The following ANKDD1A variants were observed in gnomAD, a reference collection of about 807,000 sequenced individuals.
The protein encoded by ANKDD1A is ankyrin repeat and death domain containing 1A, also known as ankyrin repeat and death domain-containing protein 1A.
ANKDD1A carries 59 observed loss-of-function variants against 63.5 expected under a neutral mutation model. That is an observed-to-expected ratio of 0.93 (90% CI 0.75 to 1.15). The LOEUF is 1.15. Ranked by LOEUF, ANKDD1A falls within the 50% of genes most tolerant of loss-of-function variation. The pLI is 0.00. For synonymous variants in ANKDD1A, 266 were observed against 263.9 expected (o/e 1.01, Z -0.08); for missense variants, 632 against 656.4 (o/e 0.96, Z 0.41).
At chr15:64,952,137 C>A (rs1220152508) in intron 14 of ANKDD1A, among the ~76,000 whole-genome samples, 9 of 135,302 alleles carry the variant, frequency 6.7e-5, no homozygotes, top group Non-Finnish European at 1.1e-4. Context: ...TCTTCTTCTT[C>A]CTTATTCTTC....
chr15:64,932,346 G>C (rs1333402205), intron 8 of ANKDD1A: 1 of 152,208 alleles, frequency 6.6e-6, no homozygotes, highest in Non-Finnish European at 1.5e-5. Context: ...ACGAGGCAAA[G>C]CTGAGTCTCA....
chr15:64,957,027 A>C, intron 14 of ANKDD1A, 76 bp from the exon 15 acceptor site: 1 of 441,982 alleles, frequency 2.3e-6, no homozygotes, highest in Non-Finnish European at 4.5e-6. Context: ...TCTTACTCTA[A>C]ATCTTTCTGA....
chr15:64,919,104 A>G (rs2084990473), intron 3 of ANKDD1A, among the ~76,000 whole-genome samples: 1 of 152,196 alleles, frequency 6.6e-6, no homozygotes. Flanking sequence ...GAAAGTCTGT[A>G]GTGATATGCC....
At chr15:64,951,013 TA>T (rs1400291894) in intron 14 of ANKDD1A, 2 of 1,272,058 alleles carry the variant, frequency 1.6e-6, no homozygotes, top group Non-Finnish European at 2.0e-6. Context: ...CACAGCCATG[TA>T]ACCGGAGGGG....
chr15:64,951,666 T>G (rs2085281636), intron 14 of ANKDD1A, among the ~76,000 whole-genome samples: 1 of 96,886 alleles, frequency 1.0e-5, no homozygotes, highest in African/African-American at 3.0e-5. Context: ...TATCTTCTTT[T>G]TCTTTCTTTC....
At chr15:64,927,762 A>T (rs1398046246) in intron 6 of ANKDD1A, among the ~76,000 whole-genome samples, 1 of 151,586 alleles carries the variant, frequency 6.6e-6, no homozygotes, top group Non-Finnish European at 1.5e-5. Context: ...CCGCCACCAC[A>T]CCCAGCTAAT....
intron 1 of ANKDD1A, among the ~76,000 whole-genome samples, chr15:64,912,203 T>G (rs1595844165): frequency 6.6e-6 from 1 of 151,872 alleles, no homozygotes; most frequent in East Asian, 1.9e-4. Context: ...GGCTGAGAGG[T>G]TAGCTACAAA....
intron 9 of ANKDD1A, among the ~76,000 whole-genome samples, chr15:64,935,598 C>T (rs986635274): frequency 2.0e-5 from 3 of 152,084 alleles, no homozygotes; most frequent in African/African-American, 4.8e-5. Context: ...TGGCATGAAC[C>T]CGGGAGGCAG....
At chr15:64,934,363 C>T (rs753960617) in intron 9 of ANKDD1A, 129 bp downstream of exon 9, 196 of 715,220 alleles carry the variant, frequency 2.7e-4, no homozygotes, top group Middle Eastern at 4.1e-4. Flanking sequence ...GTAGGGGAGC[C>T]GGCAGCACTT....
chr15:64,935,527 T>G lies in ANKDD1A; in HGVS notation c.867+1293T>G, dbSNP rs549906421. Among the ~76,000 whole-genome samples, 102 of 151,990 alleles carry G rather than the reference T, an allele frequency of 6.7e-4. 1 individual carries two copies. Among genetic ancestry groups the G allele is most frequent in the Admixed American group, 5.2e-4 (8 of 15,274 alleles). ...CATCTCTACTAAAAATACAAAAAAT[T>G]AGCCGGGCTTTGTGTCAGGCGCCTG... On this transcript the variant is annotated intron_variant, in intron 9 of 14. Transcript: ENST00000319580.
intron 1 of ANKDD1A, among the ~76,000 whole-genome samples, 189 bp downstream of exon 1, chr15:64,912,153 G>A (rs1029907970): frequency 2.0e-5 from 3 of 152,120 alleles, no homozygotes; most frequent in African/African-American, 7.2e-5. Context: ...AGTGCGTCTG[G>A]GACTCGGGGA....
chr15:64,951,564 C>CTGCTTTCTTTTT (rs1595858394), intron 14 of ANKDD1A: 4 of 122,790 alleles, frequency 3.3e-5, no homozygotes, highest in Admixed American at 9.1e-5. Context: ...CTTTCTTTTT[C>CTGCTTTCTTTTT]TTTTCTTTCT....
At chr15:64,951,392 TTCCTCTTTTTTC>T (rs1190980620) in intron 14 of ANKDD1A, 7 of 264,766 alleles carry the variant, frequency 2.6e-5, no homozygotes, top group Non-Finnish European at 3.5e-5. Flanking sequence ...TCTTTTCTTC[TTCCTCTTTTTTC>T]TTTTTTCTTT....
intron 14 of ANKDD1A, among the ~76,000 whole-genome samples, chr15:64,954,651 TCTC>T (rs1342138929): frequency 3.4e-5 from 5 of 148,408 alleles, no homozygotes; most frequent in Non-Finnish European, 6.0e-5. Context: ...TCCTTCTTCT[TCTC>T]CTTCTTTCTT....
At position 64,919,145 on chromosome 15, in the gene ANKDD1A, A is replaced by G. The variant is rs78878141; in HGVS notation, c.267+1631A>G. Reference sequence around the variant, plus strand: ...ACTCTGGCCTGGACAGTTCCTAGGAACTATGTATGTGGGGAAAGCTGGTAT... The same window carrying G: ...ACTCTGGCCTGGACAGTTCCTAGGAGCTATGTATGTGGGGAAAGCTGGTAT... On this transcript the variant is annotated intron_variant, in intron 3 of 14. Transcript: ENST00000319580. Among the ~76,000 whole-genome samples, 5 of 152,250 alleles carry G rather than the reference A, an allele frequency of 3.3e-5. No homozygotes were observed. The East Asian group carries it at 5.8e-4, about 18-fold the overall frequency.
chr15:64,917,374 C>A lies in ANKDD1A; in HGVS notation c.139-12C>A. 6.3e-7 allele frequency: 1 copy of A among 1,598,100 alleles called. No homozygotes were observed. The highest frequency in any genetic ancestry group is 8.5e-7 in the Non-Finnish European group (1 of 1,171,078). On this transcript the variant is annotated splice_polypyrimidine_tract_variant and intron_variant, in intron 2 of 14. Transcript: ENST00000319580. The stretch of plus-strand genomic sequence containing the variant: ...CAGCAGCACCTGACAAGTGTCATCT[C>A]CCTCCGGGCAGGTGGGCAGGGTGGC...
chr15:64,917,634 G>T (rs2084979314), intron 3 of ANKDD1A, 120 bp downstream of exon 3: 2 of 1,418,766 alleles, frequency 1.4e-6, no homozygotes, highest in South Asian at 2.8e-5. Context: ...CAGAGTGGTG[G>T]GGAGTCAGAG....
chr15:64,929,464 C>A (rs1244331839), intron 6 of ANKDD1A, among the ~76,000 whole-genome samples: 3 of 152,200 alleles, frequency 2.0e-5, no homozygotes, highest in African/African-American at 7.2e-5. Flanking sequence ...GTACCATGCC[C>A]AGCAGGGAGA....
chr15:64,951,659 CTTCT>C (rs1013041433), intron 14 of ANKDD1A, among the ~76,000 whole-genome samples: 12 of 38,852 alleles, frequency 3.1e-4, no homozygotes, highest in East Asian at 1.7e-3. Context: ...TTCCTTCTAT[CTTCT>C]TTTTCTTTCT....
Sources: allele counts gnomAD v4.1 joint callset (sites outside exome capture counted in the v4.1 genomes callset), GRCh38; gene constraint gnomAD v4.1.1; transcripts MANE v1.5; gene names NCBI Gene and HGNC (gene_info 2026-07-23, HGNC 2026-07-21).